The following NR6A1 variants were observed in gnomAD, a reference collection of about 807,000 sequenced individuals.
The protein encoded by NR6A1 is retinoic acid receptor-related testis-associated receptor.
A neutral mutation model predicts 59.1 loss-of-function variants in NR6A1; 7 were observed. That is an observed-to-expected ratio of 0.12 (90% CI 0.07 to 0.22). The LOEUF is 0.22. Ranked by LOEUF, NR6A1 falls within the 10% of genes least tolerant of loss-of-function variation. The pLI, the probability that NR6A1 is intolerant of heterozygous loss-of-function variation, is 1.00. For synonymous variants in NR6A1, 243 were observed against 236.1 expected (o/e 1.03, Z -0.27); for missense variants, 468 against 611.6 (o/e 0.77, Z 2.48).
Position 124,554,407 on chromosome 9 carries a change from A to G in NR6A1, c.306T>C (p.Cys102=). ...RVYRCSRDKN[C]VMSRKQRNRC... ...TGTTCCTCTGCTTCCGAGACATGAC[A>G]CAGTTCTTGTCACGACTGCATCGAT... Residue 102 remains cysteine, a synonymous_variant, in exon 3 of 10, where the codon TGT becomes TGC. Coordinates refer to ENST00000487099, the MANE Select transcript of NR6A1 (RefSeq NM_033334.4). The G allele has an allele frequency of 6.2e-7, 1 of 1,614,134 alleles. No homozygotes were observed. The highest frequency in any genetic ancestry group is 8.5e-7 in the Non-Finnish European group (1 of 1,180,016).
chr9:124,769,853 G>A (rs1841062194), intron 1 of NR6A1, among the ~76,000 whole-genome samples: 1 of 152,270 alleles, frequency 6.6e-6, no homozygotes, highest in Admixed American at 6.5e-5. Flanking sequence ...TTGCTCCAGG[G>A]CGCTTTCCAA....
chr9:124,548,498 A>G (rs1833670957), intron 3 of NR6A1, among the ~76,000 whole-genome samples: 1 of 152,182 alleles, frequency 6.6e-6, no homozygotes, highest in African/African-American at 2.4e-5. Context: ...GGTATAATAA[A>G]ATGTAAAAAA....
At chr9:124,765,026 T>C (rs979159071) in intron 1 of NR6A1, among the ~76,000 whole-genome samples, 2 of 152,224 alleles carry the variant, frequency 1.3e-5, no homozygotes, top group Non-Finnish European at 1.5e-5. Context: ...CTTGAATAGC[T>C]TCTCTGGTGT....
chr9:124,576,366 C>G (rs963913129), intron 2 of NR6A1, among the ~76,000 whole-genome samples: 1 of 152,184 alleles, frequency 6.6e-6, no homozygotes, highest in Non-Finnish European at 1.5e-5. Context: ...CGGCTCACTG[C>G]AACTTCCACC....
chr9:124,558,437 T>C (rs1564178375), intron 2 of NR6A1, among the ~76,000 whole-genome samples: 1 of 152,026 alleles, frequency 6.6e-6, no homozygotes, highest in Non-Finnish European at 1.5e-5. Context: ...AGGGAGTTTC[T>C]CAGTGGTACA....
intron 2 of NR6A1, among the ~76,000 whole-genome samples, chr9:124,587,726 G>GAGTCTGCATTCATCACTAAGACCGCT (rs1336763394): frequency 6.6e-6 from 1 of 152,192 alleles, no homozygotes; most frequent in East Asian, 1.9e-4. Flanking sequence ...GAAAGTGCTG[G>GAGTCTGCATTCATCACTAAGACCGCT]AGTCTGCATT....
At chr9:124,692,420 T>C (rs1396246945) in intron 2 of NR6A1, 1 of 524,418 alleles carries the variant, frequency 1.9e-6, no homozygotes, top group Non-Finnish European at 4.0e-6. Context: ...CACTGGTTCT[T>C]GGGATGTGGA....
At chr9:124,596,666 C>T (rs1835280785) in intron 2 of NR6A1, among the ~76,000 whole-genome samples, 1 of 152,192 alleles carries the variant, frequency 6.6e-6, no homozygotes, top group Non-Finnish European at 1.5e-5. Flanking sequence ...CTTAAACAAT[C>T]ATCATGCTAT....
In NR6A1 at chr9:124,590,026, C is replaced by G. The variant is rs551912496; in HGVS notation, c.143-35456G>C. Among the ~76,000 whole-genome samples the G allele has an allele frequency of 6.6e-4, 78 of 117,504 alleles. 1 individual carries two copies. Among genetic ancestry groups the G allele is most frequent in the Admixed American group, 1.6e-3 (13 of 8,124 alleles). The allele number at this position is 117,504 out of a possible 152,430, so 77.1% of individuals were successfully genotyped here. On this transcript the variant is annotated intron_variant, in intron 2 of 9. Transcript: ENST00000487099. ...GTTGCAGTGAGCCGAGATCGCACCA[C>G]TGTTCTCCAGCCTGGTGACAGAGCA... is the stretch of plus-strand genomic sequence containing the variant.
chr9:124,625,049 T>C (rs1416882981), intron 2 of NR6A1, among the ~76,000 whole-genome samples: 1 of 152,018 alleles, frequency 6.6e-6, no homozygotes, highest in Non-Finnish European at 1.5e-5. Flanking sequence ...ATAGTAGTTA[T>C]AAGAAAAGCC....
intron 6 of NR6A1, among the ~76,000 whole-genome samples, chr9:124,537,800 C>T (rs763770000): frequency 2.6e-5 from 4 of 152,072 alleles, no homozygotes; most frequent in Non-Finnish European, 5.9e-5. Context: ...CATGGAAGTG[C>T]TCTGACCCAT....
intron 2 of NR6A1, among the ~76,000 whole-genome samples, chr9:124,731,601 C>T (rs1839885294): frequency 6.6e-6 from 1 of 152,154 alleles, no homozygotes; most frequent in Non-Finnish European, 1.5e-5. Context: ...TTCACCTCTG[C>T]CACTCAAGAG....
At chr9:124,665,172 A>G (rs541371775) in intron 2 of NR6A1, among the ~76,000 whole-genome samples, 1 of 151,550 alleles carries the variant, frequency 6.6e-6, no homozygotes, top group Admixed American at 6.6e-5. Flanking sequence ...GGTGACAACA[A>G]GAACCTTTCT....
chr9:124,536,264 CA>C, intron 6 of NR6A1, 132 bp from the exon 7 acceptor site: 2 of 966,944 alleles, frequency 2.1e-6, no homozygotes, highest in East Asian at 4.8e-5. Context: ...CACGGGTCTC[CA>C]GTTCCATTCA....
intron 2 of NR6A1, among the ~76,000 whole-genome samples, chr9:124,567,025 G>A (rs187774186): frequency 8.6e-5 from 13 of 150,808 alleles, no homozygotes; most frequent in Middle Eastern, 3.2e-3. Flanking sequence ...GGAGAATGGC[G>A]TGAACCCGGG....
In NR6A1 at chr9:124,629,332, C is replaced by A. The variant is rs1387129862; in HGVS notation, c.143-74762G>T. Among the ~76,000 whole-genome samples, 7 of 152,206 alleles carry A rather than the reference C, an allele frequency of 4.6e-5. No homozygotes were observed. In the South Asian group the frequency reaches 1.2e-3, roughly 27 times the overall value. ...AAAGTGAGACTGTATTTTCCTGCAACAAAGTGTGACAGCAAGTTATTTAAA... is the reference window on the plus strand; with the variant it reads ...AAAGTGAGACTGTATTTTCCTGCAAAAAAGTGTGACAGCAAGTTATTTAAA... On this transcript the variant is annotated intron_variant, in intron 2 of 9. Transcript: ENST00000487099.
chr9:124,768,971 G>C (rs1385262154), intron 1 of NR6A1, among the ~76,000 whole-genome samples: 1 of 152,080 alleles, frequency 6.6e-6, no homozygotes, highest in African/African-American at 2.4e-5. Context: ...TTGGGGTTTG[G>C]ATTCAAAAAA....
chr9:124,742,817 A>C lies in NR6A1; in HGVS notation c.101-9468T>G, dbSNP rs922953360. 2.6e-5 allele frequency among the ~76,000 whole-genome samples: 4 copies of C among 151,086 alleles called. No individual in the cohort carries two copies. In the East Asian group the frequency reaches 5.9e-4, roughly 22 times the overall value. ...CGTGAACCCGGGAAGTAGAGGTTGC[A>C]GTGAGCCGAGATGGTGCCACTGCAC... On this transcript the variant is annotated intron_variant, in intron 1 of 9. Transcript: ENST00000487099.
At chr9:124,571,725 T>C (rs749704156) in intron 2 of NR6A1, among the ~76,000 whole-genome samples, 23 of 152,108 alleles carry the variant, frequency 1.5e-4, no homozygotes, top group Non-Finnish European at 3.2e-4. Flanking sequence ...GGGGATGAAG[T>C]AAAGCAGAGG....
Sources: allele counts gnomAD v4.1 joint callset (sites outside exome capture counted in the v4.1 genomes callset), GRCh38; gene constraint gnomAD v4.1.1; transcripts MANE v1.5; gene names NCBI Gene and HGNC (gene_info 2026-07-23, HGNC 2026-07-21).